CPPED1: variants seen among roughly 807,000 people sequenced by gnomAD.
CPPED1 encodes serine/threonine-protein phosphatase CPPED1.
Under a neutral mutation model 28.0 loss-of-function variants are expected in CPPED1, and 28 were observed. That is an observed-to-expected ratio of 1.00 (90% confidence interval 0.74 to 1.37). The LOEUF (loss-of-function observed/expected upper bound fraction) is 1.37, where lower values mean the gene tolerates loss of function less well. CPPED1 is among the 40% of genes most tolerant of loss of function. The pLI is 0.00. For synonymous variants in CPPED1, 198 were observed against 180.2 expected (o/e 1.10, Z -0.79); for missense variants, 504 against 416.5 (o/e 1.21, Z -1.83).
intron 3 of CPPED1, among the ~76,000 whole-genome samples, chr16:12,698,868 C>T (rs2080005872): frequency 6.6e-6 from 1 of 152,180 alleles, no homozygotes. Flanking sequence ...GGAAGATCAA[C>T]TTATTGGAAT....
intron 1 of CPPED1, among the ~76,000 whole-genome samples, chr16:12,796,594 T>C (rs2080629089): frequency 6.6e-6 from 1 of 152,182 alleles, no homozygotes. Flanking sequence ...GGCAAGGATA[T>C]GGAGAAACTG....
At position 12,663,078 on chromosome 16, in the gene CPPED1, T is replaced by C. The variant is rs1265317000; in HGVS notation, c.*1808A>G. On this transcript the variant is annotated 3_prime_UTR_variant, in exon 4 of 4. Transcript: ENST00000381774. Reference sequence around the variant, plus strand: ...TGTGTGTGGTTTTTTTTTTTTTTTTTTGAGACAGAGTCTTGCTCTGTTGCC... The same window carrying C: ...TGTGTGTGGTTTTTTTTTTTTTTTTCTGAGACAGAGTCTTGCTCTGTTGCC... The C allele has an allele frequency of 7.1e-5, 8 of 112,496 alleles. No individual in the cohort carries two copies. The highest frequency in any genetic ancestry group is 2.4e-4 in the African/African-American group (8 of 32,870). The allele number at this position is 112,496 out of a possible 1,614,324, so 7.0% of individuals were successfully genotyped here.
chr16:12,757,213 G>A (rs936252801), intron 2 of CPPED1, among the ~76,000 whole-genome samples: 1 of 152,176 alleles, frequency 6.6e-6, no homozygotes, highest in African/African-American at 2.4e-5. Context: ...ATAGCCCAGG[G>A]CTGAGGGGTT....
rs1006203154 is a variant in CPPED1, at chr16:12,746,490, G to C, written c.289+34695C>G. ...AGTACATCATCAGCAGCCTGGGGCT[G>C]GTTACAAAAAGAAGGGTTAAAGGAA... On this transcript the variant is annotated intron_variant, in intron 2 of 3. Coordinates refer to ENST00000381774, the MANE Select transcript of CPPED1 (RefSeq NM_018340.3). Among the ~76,000 whole-genome samples, 6 of 151,410 alleles carry C rather than the reference G, an allele frequency of 4.0e-5. No individual in the cohort carries two copies. In the Admixed American group the frequency reaches 4.0e-4, roughly 10 times the overall value.
At chr16:12,759,693 G>A (rs558803976) in intron 2 of CPPED1, among the ~76,000 whole-genome samples, 12 of 152,296 alleles carry the variant, frequency 7.9e-5, no homozygotes, top group South Asian at 6.2e-4. Flanking sequence ...ATGACAGTGC[G>A]TGAGTTCTCA....
intron 2 of CPPED1, among the ~76,000 whole-genome samples, chr16:12,778,780 G>C (rs1229351863): frequency 1.3e-5 from 2 of 152,198 alleles, no homozygotes; most frequent in African/African-American, 4.8e-5. Flanking sequence ...AAAATGCTCT[G>C]TTTAATCTCA....
intron 2 of CPPED1, among the ~76,000 whole-genome samples, chr16:12,743,992 T>A (rs1349805764): frequency 6.6e-6 from 1 of 151,182 alleles, no homozygotes; most frequent in Non-Finnish European, 1.5e-5. Context: ...GAAAGAAAGA[T>A]GTGGCTGGGC....
chr16:12,766,242 A>AAT (rs71393703), intron 2 of CPPED1, among the ~76,000 whole-genome samples: 23,465 of 126,344 alleles, frequency 0.19, 2,644 homozygotes, highest in East Asian at 0.27. Flanking sequence ...AAAAAATACA[A>AAT]ATATATATAT....
chr16:12,740,556 A>G (rs1312643160), intron 2 of CPPED1, among the ~76,000 whole-genome samples: 7 of 152,148 alleles, frequency 4.6e-5, no homozygotes, highest in Non-Finnish European at 8.8e-5. Context: ...TTTACCGTCT[A>G]CTGGGGATGA....
intron 2 of CPPED1, among the ~76,000 whole-genome samples, chr16:12,733,892 T>C (rs2080212296): frequency 1.3e-5 from 2 of 151,516 alleles, no homozygotes; most frequent in Non-Finnish European, 2.9e-5. Flanking sequence ...ATAACGTGAA[T>C]AAAGACAGAA....
chr16:12,778,277 C>CTT (rs371883790), intron 2 of CPPED1, among the ~76,000 whole-genome samples: 26,474 of 115,972 alleles, frequency 0.23, 3,257 homozygotes, highest in Non-Finnish European at 0.29. Context: ...TTCTTTCTTT[C>CTT]TTTTTTTTTT....
At chr16:12,690,695 G>T (rs944804529) in intron 3 of CPPED1, among the ~76,000 whole-genome samples, 2 of 149,334 alleles carry the variant, frequency 1.3e-5, no homozygotes, top group Admixed American at 6.7e-5. Flanking sequence ...ACCATCAAGA[G>T]CATCTTTGTC....
At chr16:12,668,894 G>A (rs1014983786) in intron 3 of CPPED1, among the ~76,000 whole-genome samples, 4 of 152,176 alleles carry the variant, frequency 2.6e-5, no homozygotes, top group Admixed American at 6.5e-5. Context: ...AAAGTAAAAT[G>A]GTACAGTTCT....
chr16:12,728,442 T>G (rs998554203), intron 2 of CPPED1, among the ~76,000 whole-genome samples: 12 of 151,670 alleles, frequency 7.9e-5, no homozygotes, highest in African/African-American at 2.9e-4. Flanking sequence ...GGATTACAGG[T>G]TGCTTATAAT....
intron 2 of CPPED1, among the ~76,000 whole-genome samples, chr16:12,761,745 C>T (rs1336792863): frequency 6.6e-6 from 1 of 152,098 alleles, no homozygotes; most frequent in Non-Finnish European, 1.5e-5. Context: ...GGGACAGTGG[C>T]TCATAGTATA....
chr16:12,802,096 C>T (rs2080663507), intron 1 of CPPED1, among the ~76,000 whole-genome samples: 1 of 152,078 alleles, frequency 6.6e-6, no homozygotes, highest in African/African-American at 2.4e-5. Flanking sequence ...CAAAGGAAAA[C>T]CAAAAGGCAA....
At chr16:12,686,430 T>C (rs2079933833) in intron 3 of CPPED1, among the ~76,000 whole-genome samples, 2 of 152,134 alleles carry the variant, frequency 1.3e-5, no homozygotes, top group South Asian at 2.1e-4. Context: ...AATAACAGAG[T>C]TCCCCTGCTG....
intron 2 of CPPED1, among the ~76,000 whole-genome samples, chr16:12,730,725 A>G (rs1355455605): frequency 6.6e-6 from 1 of 152,212 alleles, no homozygotes; most frequent in Non-Finnish European, 1.5e-5. Context: ...ATTTTTATGA[A>G]GCTCAAGAAC....
Position 12,660,327 on chromosome 16 carries a change from G to A in CPPED1, c.*4559C>T, listed in dbSNP as rs1185206103. On this transcript the variant is annotated 3_prime_UTR_variant, in exon 4 of 4. Coordinates refer to ENST00000381774, the MANE Select transcript of CPPED1 (RefSeq NM_018340.3). Reference sequence around the variant, plus strand: ...GTAACATGATTATTCACATTTAATCGACTTCATTTACATAGATAAAGCCTA... The same window carrying A: ...GTAACATGATTATTCACATTTAATCAACTTCATTTACATAGATAAAGCCTA... The A allele has an allele frequency of 1.3e-5, 2 of 152,054 alleles. No homozygotes were observed. The highest frequency in any genetic ancestry group is 2.9e-5 in the Non-Finnish European group (2 of 68,008). 9.4% of individuals were successfully genotyped at this position (152,054 alleles called of 1,614,324 possible).
Sources: allele counts gnomAD v4.1 joint callset (sites outside exome capture counted in the v4.1 genomes callset), GRCh38; gene constraint gnomAD v4.1.1; transcripts MANE v1.5; gene names NCBI Gene and HGNC (gene_info 2026-07-23, HGNC 2026-07-21).